ADGRV1: variants seen among roughly 807,000 people sequenced by gnomAD.
The protein encoded by ADGRV1 is adhesion G protein-coupled receptor V1, also known as G-protein coupled receptor 98.
ADGRV1 carries 359 observed loss-of-function variants against 596.2 expected under a neutral mutation model. The ratio of observed to expected loss-of-function variants is 0.60; its 90% CI spans 0.55 to 0.66. ADGRV1 has a LOEUF of 0.66. Among genes scored for constraint, ADGRV1 ranks in the 30% least tolerant of loss-of-function variants. The pLI, the probability that ADGRV1 is intolerant of heterozygous loss-of-function variation, is 0.00. For missense variants in ADGRV1, 7,274 were observed against 7,575.6 expected (o/e 0.96, Z 1.48); for synonymous variants, 2,681 against 2,679.2 (o/e 1.00, Z -0.02).
intron 1 of ADGRV1, among the ~76,000 whole-genome samples, chr5:90,584,462 A>C (rs1758483667): frequency 6.6e-6 from 1 of 152,238 alleles, no homozygotes; most frequent in Admixed American, 6.5e-5. Context: ...TTAATGACTT[A>C]AAATAACCAC....
At chr5:90,928,724 C>G (rs1274918976) in intron 83 of ADGRV1, among the ~76,000 whole-genome samples, 1 of 151,306 alleles carries the variant, frequency 6.6e-6, no homozygotes, top group Admixed American at 6.6e-5. Flanking sequence ...TTTAGAGTTT[C>G]CCGTTTTTCT....
intron 16 of ADGRV1, 82 bp downstream of exon 16, chr5:90,646,173 C>T (rs1015676871): frequency 1.2e-6 from 1 of 834,566 alleles, no homozygotes; most frequent in Non-Finnish European, 1.7e-6. Flanking sequence ...TGCATATATA[C>T]ATTTATATGC....
At chr5:90,943,559 G>C (rs1010038985) in intron 83 of ADGRV1, among the ~76,000 whole-genome samples, 2 of 152,076 alleles carry the variant, frequency 1.3e-5, no homozygotes, top group Admixed American at 6.5e-5. Context: ...CCCATCTAAA[G>C]TGGAGCTTCT....
chr5:90,662,818 G>T (rs567584803), intron 21 of ADGRV1, among the ~76,000 whole-genome samples: 9 of 151,822 alleles, frequency 5.9e-5, no homozygotes, highest in Non-Finnish European at 1.0e-4. Context: ...GTGTCCATAT[G>T]ATCTCATTGT....
chr5:90,851,134 T>TGTGTGTGTGTGAGAGAGAGAGAGA (rs757909771), intron 79 of ADGRV1, among the ~76,000 whole-genome samples: 51 of 81,492 alleles, frequency 6.3e-4, no homozygotes, highest in Admixed American at 1.5e-3. Flanking sequence ...TGTGTGTGTG[T>TGTGTGTGTGTGAGAGAGAGAGAGA]GAGAGAGAGA....
intron 85 of ADGRV1, among the ~76,000 whole-genome samples, chr5:91,057,354 C>T (rs1178945672): frequency 6.6e-6 from 1 of 152,132 alleles, no homozygotes; most frequent in Non-Finnish European, 1.5e-5. Flanking sequence ...TATTAGCTGG[C>T]CCAGCTCCAC....
chr5:90,807,453 TC>T (rs1335802801), intron 72 of ADGRV1, 148 bp from the exon 73 acceptor site: 1 of 680,576 alleles, frequency 1.5e-6, no homozygotes. Flanking sequence ...AGTTTACCTC[TC>T]CCCCGACCCC....
chr5:90,913,390 T>C (rs971225092), intron 83 of ADGRV1, among the ~76,000 whole-genome samples: 1 of 152,200 alleles, frequency 6.6e-6, no homozygotes, highest in Admixed American at 6.5e-5. Context: ...TATATCAATA[T>C]TTATCATTTT....
At chr5:91,015,356 G>A in intron 85 of ADGRV1, among the ~76,000 whole-genome samples, 1 of 152,054 alleles carries the variant, frequency 6.6e-6, no homozygotes, top group East Asian at 1.9e-4. Context: ...TGTATATTTT[G>A]TTGTTTTTGG....
At chr5:91,098,637 G>A (rs1021346558) in intron 86 of ADGRV1, among the ~76,000 whole-genome samples, 6 of 152,188 alleles carry the variant, frequency 3.9e-5, no homozygotes, top group African/African-American at 7.2e-5. Context: ...TTTTCCTTAC[G>A]GAGTTTCTAG....
At position 90,897,555 on chromosome 5, in the gene ADGRV1, A is replaced by G. The variant is rs149692768; in HGVS notation, c.17856+33698A>G. Among the ~76,000 whole-genome samples, 1,334 of 152,230 alleles carry G rather than the reference A, an allele frequency of 8.8e-3. 6 individuals are homozygous for G. The highest frequency in any genetic ancestry group is 0.013 in the Non-Finnish European group (868 of 68,032). The stretch of plus-strand genomic sequence containing the variant: ...CACTCAACAAATACGAATATCATTG[A>G]TAATCATATTTTCTCCTTTTTGTGC... On this transcript the variant is annotated intron_variant, in intron 83 of 89. Transcript: ENST00000405460.
Position 90,694,189 on chromosome 5 carries a change from A to G in ADGRV1, c.7433A>G (p.Asp2478Gly). The change falls in exon 33 of 90, where the codon GAC becomes GGC. Residue 2478 changes from aspartate (D) to glycine (G), a missense_variant. By Grantham distance (94) the Asp-to-Gly change is moderately conservative. Coordinates refer to ENST00000405460, the MANE Select transcript of ADGRV1 (RefSeq NM_032119.4). The stretch of plus-strand genomic sequence containing the variant: ...ATCAGCCCAGCTGTCAACAATTCAG[A>G]CTTCTGGACCTACAGGAAAAACATG... ...SWISPAVNNS[D>G]FWTYRKNMTR... 1 of 1,613,832 alleles carries G rather than the reference A, an allele frequency of 6.2e-7. No homozygotes were observed. Among genetic ancestry groups the G allele is most frequent in the Non-Finnish European group, 8.5e-7 (1 of 1,179,842 alleles).
intron 85 of ADGRV1, among the ~76,000 whole-genome samples, chr5:91,013,522 G>A (rs927964110): frequency 1.3e-5 from 2 of 152,092 alleles, no homozygotes; most frequent in Non-Finnish European, 1.5e-5. Flanking sequence ...TTTGAAAAGT[G>A]TATGTTCATG....
intron 85 of ADGRV1, among the ~76,000 whole-genome samples, chr5:91,046,256 G>A (rs933266065): frequency 6.6e-6 from 1 of 152,108 alleles, no homozygotes; most frequent in African/African-American, 2.4e-5. Context: ...CACATTACCT[G>A]ATTTCAAGCT....
rs200943280 is a variant in ADGRV1, at chr5:90,763,392, G to T, written c.12208G>T (p.Val4070Phe). 6.2e-7 allele frequency: 1 copy of T among 1,613,440 alleles called. No individual in the cohort carries two copies. The highest frequency in any genetic ancestry group is 8.5e-7 in the Non-Finnish European group (1 of 1,179,538). Residue 4070 changes from valine (V) to phenylalanine (F), a missense_variant, in exon 59 of 90, where the codon GTC becomes TTC. Transcript: ENST00000405460. Reference sequence around the variant, plus strand: ...CCGGTCCCCAGGAGGAAAAGGAACCGTCCGACTTGAGTGGACCATAGATGA... The same window carrying T: ...CCGGTCCCCAGGAGGAAAAGGAACCTTCCGACTTGAGTGGACCATAGATGA... ...VVRSPGGKGTVRLEWTIDEKA... is the reference protein window; with the variant it reads ...VVRSPGGKGTFRLEWTIDEKA...
At chr5:91,136,059 G>T (rs1158936189) in intron 87 of ADGRV1, among the ~76,000 whole-genome samples, 1 of 152,122 alleles carries the variant, frequency 6.6e-6, no homozygotes, top group Non-Finnish European at 1.5e-5. Context: ...GCTTGGAGTG[G>T]GGAATCTGAG....
At chr5:90,614,150 A>C (rs1279620002) in intron 1 of ADGRV1, 4 of 327,596 alleles carry the variant, frequency 1.2e-5, no homozygotes, top group Non-Finnish European at 2.3e-5. Flanking sequence ...CACACATATC[A>C]TAGTGAAAAA....
intron 2 of ADGRV1, among the ~76,000 whole-genome samples, chr5:90,616,007 C>T (rs3112773): frequency 0.63 from 95,429 of 151,766 alleles, 31,038 homozygotes; most frequent in African/African-American, 0.79. Context: ...AATTGTTAAA[C>T]GATTTTCATA....
chr5:90,809,832 C>A (rs1296115333), intron 73 of ADGRV1, among the ~76,000 whole-genome samples: 1 of 152,160 alleles, frequency 6.6e-6, no homozygotes, highest in Non-Finnish European at 1.5e-5. Context: ...GATTTTACTG[C>A]TAGTGCCAGT....
Sources: allele counts gnomAD v4.1 joint callset (sites outside exome capture counted in the v4.1 genomes callset), GRCh38; gene constraint gnomAD v4.1.1; transcripts MANE v1.5; gene names NCBI Gene and HGNC (gene_info 2026-07-23, HGNC 2026-07-21).